Variants in TAOK1 observed in about 807,000 individuals in gnomAD.
TAOK1 encodes serine/threonine-protein kinase TAO1.
In TAOK1, 21 loss-of-function variants were observed where a neutral mutation model predicts 138.3. The ratio of observed to expected loss-of-function variants is 0.15; its 90% CI spans 0.11 to 0.22. TAOK1 has a LOEUF of 0.22. Among genes scored for constraint, TAOK1 ranks in the 10% least tolerant of loss-of-function variants. The pLI, the probability that TAOK1 is intolerant of heterozygous loss-of-function variation, is 1.00. For missense variants in TAOK1, 651 were observed against 1,227.7 expected, an observed-to-expected ratio of 0.53 and a Z score of 7.02; for synonymous variants, 361 against 398.4, an observed-to-expected ratio of 0.91 and a Z score of 1.12.
intron 19 of TAOK1, among the ~76,000 whole-genome samples, chr17:29,536,768 C>T (rs539605494): frequency 6.9e-6 from 1 of 145,854 alleles, no homozygotes; most frequent in South Asian, 2.2e-4. Context: ...GGCGTGATCT[C>T]TGCTCACTGC....
At position 29,548,008 on chromosome 17, in the gene TAOK1, GT is replaced by G. The variant is rs970939500; in HGVS notation, c.*4990del. 1 of 152,122 alleles carries G rather than the reference GT, an allele frequency of 6.6e-6. No individual in the cohort carries two copies. Among genetic ancestry groups the G allele is most frequent in the African/African-American group, 2.4e-5 (1 of 41,442 alleles). The allele number at this position is 152,122 out of a possible 1,614,324, so 9.4% of individuals were successfully genotyped here. On this transcript the variant is annotated 3_prime_UTR_variant, in exon 20 of 20. Transcript: ENST00000261716. ...TGACTATTAATTTGTAAAGAAGTAA[GT>G]TTTATTAAACACTGTCTAGAAAAAG...
chr17:29,522,223 T>C, intron 16 of TAOK1, 57 bp from the exon 17 acceptor site: 2 of 1,579,026 alleles, frequency 1.3e-6, no homozygotes, highest in Non-Finnish European at 1.7e-6. Context: ...AATTAGGACT[T>C]TTTTCTGGCA....
intron 11 of TAOK1, 30 bp downstream of exon 11, chr17:29,495,757 G>A: frequency 6.6e-7 from 1 of 1,513,618 alleles, no homozygotes; most frequent in Non-Finnish European, 8.9e-7. Context: ...CTCCAATATT[G>A]AATTTTCACT....
intron 13 of TAOK1, among the ~76,000 whole-genome samples, chr17:29,505,379 C>G (rs1454504743): frequency 6.6e-6 from 1 of 152,096 alleles, no homozygotes; most frequent in Non-Finnish European, 1.5e-5. Flanking sequence ...CCACAAATCC[C>G]AAAATCCACC....
At position 29,534,277 on chromosome 17, in the gene TAOK1, C is replaced by A; in HGVS notation, c.2521C>A (p.Arg841=). The stretch of plus-strand genomic sequence containing the variant: ...CGAGCTTGAACAGAGGGTCTCCCTC[C>A]GGAGGGCACTCTTAGAACAAAAGGT... ...LRELEQRVSL[R]RALLEQKIEE... is the part of the protein sequence containing the mutation. The change falls in exon 19 of 20, where the codon CGG becomes AGG. Residue 841 remains arginine, a synonymous_variant. Transcript: ENST00000261716. 2 of 1,604,010 alleles carry A rather than the reference C, an allele frequency of 1.2e-6. No individual in the cohort carries two copies. The highest frequency in any genetic ancestry group is 8.5e-7 in the Non-Finnish European group (1 of 1,176,190).
chr17:29,541,509 C>T (rs2032316526), intron 19 of TAOK1, among the ~76,000 whole-genome samples: 1 of 151,860 alleles, frequency 6.6e-6, no homozygotes, highest in African/African-American at 2.4e-5. Context: ...CCCCTATTAT[C>T]TCAAATCCTC....
intron 2 of TAOK1, among the ~76,000 whole-genome samples, chr17:29,459,210 A>G (rs1013653563): frequency 6.6e-6 from 1 of 152,014 alleles, no homozygotes; most frequent in Non-Finnish European, 1.5e-5. Flanking sequence ...TCACAAGTTC[A>G]GAGATGAAGC....
intron 4 of TAOK1, among the ~76,000 whole-genome samples, chr17:29,477,252 GT>G (rs2030964259): frequency 6.6e-6 from 1 of 152,024 alleles, no homozygotes; most frequent in Non-Finnish European, 1.5e-5. Context: ...AGAGAACACA[GT>G]TTTCTGTCTT....
chr17:29,498,770 T>G (rs376799985), intron 12 of TAOK1, among the ~76,000 whole-genome samples: 2 of 151,932 alleles, frequency 1.3e-5, no homozygotes, highest in African/African-American at 4.8e-5. Flanking sequence ...ATACAAAAAT[T>G]AGCTAGGCAT....
chr17:29,517,837 C>T (rs554191996), intron 16 of TAOK1, among the ~76,000 whole-genome samples, 181 bp downstream of exon 16: 21 of 152,104 alleles, frequency 1.4e-4, no homozygotes, highest in Admixed American at 1.4e-3. Flanking sequence ...ATGTCATTTC[C>T]TCAAAATCTC....
At chr17:29,490,863 A>G (rs2031283405) in intron 9 of TAOK1, among the ~76,000 whole-genome samples, 1 of 152,208 alleles carries the variant, frequency 6.6e-6, no homozygotes, top group Admixed American at 6.5e-5. Context: ...GAGGGGAGAA[A>G]CATTGTGTCC....
intron 8 of TAOK1, among the ~76,000 whole-genome samples, chr17:29,488,857 A>T (rs920619072): frequency 2.0e-5 from 3 of 152,158 alleles, no homozygotes; most frequent in Non-Finnish European, 4.4e-5. Context: ...TAGAAAACTG[A>T]AAAACAGTAG....
At chr17:29,469,099 C>A (rs553912718) in intron 3 of TAOK1, among the ~76,000 whole-genome samples, 24 of 152,102 alleles carry the variant, frequency 1.6e-4, no homozygotes, top group Middle Eastern at 3.4e-3. Context: ...ATCTGCAATT[C>A]TGCCTGGCAC....
At chr17:29,520,085 G>A (rs1184414039) in intron 16 of TAOK1, among the ~76,000 whole-genome samples, 1 of 151,464 alleles carries the variant, frequency 6.6e-6, no homozygotes, top group Admixed American at 6.6e-5. Flanking sequence ...AGAGGCTGAG[G>A]CACAAGAATT....
At chr17:29,438,022 G>A (rs1906093588) in intron 1 of TAOK1, among the ~76,000 whole-genome samples, 2 of 152,184 alleles carry the variant, frequency 1.3e-5, no homozygotes, top group African/African-American at 2.4e-5. Context: ...GTGAGCCAGC[G>A]TGCCCGGCCG....
At chr17:29,522,072 T>C (rs1010457301) in intron 16 of TAOK1, among the ~76,000 whole-genome samples, 2 of 152,218 alleles carry the variant, frequency 1.3e-5, no homozygotes, top group African/African-American at 4.8e-5. Flanking sequence ...TAAAATAATA[T>C]GAATAAATAG....
chr17:29,455,872 G>C (rs2030364369), intron 2 of TAOK1, among the ~76,000 whole-genome samples: 1 of 150,142 alleles, frequency 6.7e-6, no homozygotes, highest in Non-Finnish European at 1.5e-5. Context: ...CTGTTTGCTA[G>C]TATGGTGTTG....
At chr17:29,534,428 T>C in intron 19 of TAOK1, 128 bp downstream of exon 19, 2 of 843,550 alleles carry the variant, frequency 2.4e-6, no homozygotes, top group Non-Finnish European at 3.4e-6. Context: ...TCCTGAATTC[T>C]AGTTATGGCA....
chr17:29,523,607 C>CA (rs1387265520), intron 17 of TAOK1, among the ~76,000 whole-genome samples: 3 of 152,100 alleles, frequency 2.0e-5, no homozygotes, highest in Non-Finnish European at 4.4e-5. Context: ...AGGATGGTCT[C>CA]AATCTCCTGA....
Sources: allele counts gnomAD v4.1 joint callset (sites outside exome capture counted in the v4.1 genomes callset), GRCh38; gene constraint gnomAD v4.1.1; transcripts MANE v1.5; gene names NCBI Gene and HGNC (gene_info 2026-07-23, HGNC 2026-07-21).